The following AMMECR1 variants were observed in gnomAD, a reference collection of about 807,000 sequenced individuals.
AMMECR1 encodes nuclear protein AMMECR1.
AMMECR1 carries 3 observed loss-of-function variants against 22.5 expected under a neutral mutation model. The observed-to-expected ratio is 0.13, with a 90% CI of 0.06 to 0.35. The LOEUF (loss-of-function observed/expected upper bound fraction) is 0.35. Ranked by LOEUF, AMMECR1 falls within the 10% of genes least tolerant of loss-of-function variation. The pLI, the probability that AMMECR1 is intolerant of heterozygous loss-of-function variation, is 1.00. For missense variants in AMMECR1, 235 were observed against 278.7 expected (o/e 0.84, Z 1.12); for synonymous variants, 130 against 116.7 (o/e 1.11, Z -0.74).
intron 2 of AMMECR1, among the ~76,000 whole-genome samples, chrX:110,232,638 C>G (rs192863882): frequency 1.8e-3 from 200 of 110,423 alleles, no homozygotes; most frequent in African/African-American, 6.4e-3. Context: ...TGCCTGTAAT[C>G]CCAGCACTTT....
At chrX:110,222,589 AT>A (rs2067508942) in intron 2 of AMMECR1, among the ~76,000 whole-genome samples, 1 of 105,468 alleles carries the variant, frequency 9.5e-6, no homozygotes, top group Non-Finnish European at 1.9e-5. Context: ...TAAAACTTAA[AT>A]TAAAAAAAAA....
intron 1 of AMMECR1, among the ~76,000 whole-genome samples, chrX:110,429,485 TTG>T (rs780140417): frequency 0.16 from 16,164 of 99,130 alleles, 1,100 homozygotes; most frequent in Non-Finnish European, 0.2. Context: ...TTTTGTTTTT[TTG>T]GTTTTTTTGT....
intron 1 of AMMECR1, among the ~76,000 whole-genome samples, chrX:110,285,285 T>C (rs753062878): frequency 1.8e-5 from 2 of 112,022 alleles, no homozygotes; most frequent in Non-Finnish European, 3.8e-5. Context: ...AGAAATTAAG[T>C]CTCAAGTTTA....
intron 2 of AMMECR1, among the ~76,000 whole-genome samples, chrX:110,349,543 T>C (rs1043629116): frequency 8.9e-6 from 1 of 111,843 alleles, no homozygotes; most frequent in Non-Finnish European, 1.9e-5. Flanking sequence ...CAAATTCAGC[T>C]GGTAAAAGCA....
intron 2 of AMMECR1, among the ~76,000 whole-genome samples, chrX:110,373,171 A>G (rs1047971449): frequency 3.4e-4 from 38 of 111,896 alleles, no homozygotes; most frequent in African/African-American, 1.2e-3. Context: ...TGGCAGCTCT[A>G]AAATTCAGAC....
chrX:110,409,385 A>T (rs1315420072), intron 2 of AMMECR1, among the ~76,000 whole-genome samples: 3 of 111,278 alleles, frequency 2.7e-5, no homozygotes, highest in African/African-American at 9.8e-5. Context: ...TGGTGAAGAG[A>T]GTTGTGTTTA....
chrX:110,371,371 C>T (rs2068337633), intron 2 of AMMECR1, among the ~76,000 whole-genome samples: 1 of 111,955 alleles, frequency 8.9e-6, no homozygotes, highest in Non-Finnish European at 1.9e-5. Flanking sequence ...TATCCATACC[C>T]TCAAGCATTT....
At chrX:110,206,966 A>G (rs1300706445) in intron 3 of AMMECR1, among the ~76,000 whole-genome samples, 1 of 112,175 alleles carries the variant, frequency 8.9e-6, no homozygotes, top group Admixed American at 9.4e-5. Flanking sequence ...ATGCTTTGCA[A>G]TTAACAAAGC....
At chrX:110,357,851 G>A (rs1416695088) in intron 2 of AMMECR1, among the ~76,000 whole-genome samples, 9 of 111,218 alleles carry the variant, frequency 8.1e-5, no homozygotes, top group Non-Finnish European at 3.8e-5. Flanking sequence ...TTTTCTCAAG[G>A]CAAGACCCTG....
intron 1 of AMMECR1, among the ~76,000 whole-genome samples, chrX:110,294,324 C>A (rs2067923881): frequency 8.9e-6 from 1 of 111,925 alleles, no homozygotes; most frequent in Non-Finnish European, 1.9e-5. Flanking sequence ...CAGCTTACAT[C>A]TAAGCTGAAA....
At chrX:110,198,739 G>A (rs968712412) in intron 5 of AMMECR1, 105 bp from the exon 6 acceptor site, 2 of 553,085 alleles carry the variant, frequency 3.6e-6, no homozygotes, top group African/African-American at 2.3e-5. Context: ...ATCAGGAAAC[G>A]GGGTCCCAGA....
intron 2 of AMMECR1, among the ~76,000 whole-genome samples, chrX:110,425,995 CACAA>C (rs2068750853): frequency 1.8e-5 from 2 of 112,112 alleles, no homozygotes; most frequent in African/African-American, 6.5e-5. Flanking sequence ...CACACACACA[CACAA>C]ACGCACACAC....
At chrX:110,207,574 C>T (rs1172730283) in intron 3 of AMMECR1, among the ~76,000 whole-genome samples, 1 of 110,903 alleles carries the variant, frequency 9.0e-6, no homozygotes, top group African/African-American at 3.3e-5. Flanking sequence ...CATATTATCT[C>T]GATCTGCCCA....
Position 110,310,468 on chromosome X carries a change from T to C in AMMECR1, c.473+7131A>G, listed in dbSNP as rs142187463. On this transcript the variant is annotated intron_variant, in intron 1 of 5. Transcript: ENST00000262844. ...CTATTCCAGCTATCTTTATATTTGA[T>C]ACAAATTCTATAAACCGATGTGTCC... Among the ~76,000 whole-genome samples the C allele has an allele frequency of 9.9e-3, 1,104 of 111,817 alleles. 4 individuals are homozygous for C. Among genetic ancestry groups the C allele is most frequent in the Middle Eastern group, 0.018 (4 of 218 alleles).
intron 2 of AMMECR1, among the ~76,000 whole-genome samples, chrX:110,334,224 G>T (rs899628195): frequency 1.3e-4 from 14 of 111,253 alleles, no homozygotes; most frequent in Non-Finnish European, 2.6e-4. Context: ...ATTGCCAAAA[G>T]AAAAAAAGAA....
intron 2 of AMMECR1, among the ~76,000 whole-genome samples, chrX:110,365,454 G>A (rs1472145399): frequency 8.9e-6 from 1 of 112,135 alleles, no homozygotes; most frequent in Non-Finnish European, 1.9e-5. Flanking sequence ...TTTAGTTCAT[G>A]TGACAATATC....
At chrX:110,398,725 T>C (rs1348439721) in intron 2 of AMMECR1, among the ~76,000 whole-genome samples, 3 of 112,218 alleles carry the variant, frequency 2.7e-5, no homozygotes, top group African/African-American at 9.7e-5. Context: ...CTCTGAACCT[T>C]GAACCCTTCA....
intron 2 of AMMECR1, among the ~76,000 whole-genome samples, chrX:110,331,502 C>T (rs969312184): frequency 1.8e-5 from 2 of 110,598 alleles, no homozygotes; most frequent in Non-Finnish European, 3.8e-5. Flanking sequence ...TTAACTCTTA[C>T]TTATCTCTCA....
chrX:110,368,350 C>G (rs2068312857), intron 2 of AMMECR1, among the ~76,000 whole-genome samples: 1 of 111,176 alleles, frequency 9.0e-6, no homozygotes, highest in African/African-American at 3.3e-5. Flanking sequence ...CATGATCTAC[C>G]TTCATTCCCA....
Sources: gnomAD v4.1 joint callset for allele counts (sites outside exome capture counted in the v4.1 genomes callset) on GRCh38, gnomAD v4.1.1 for gene constraint, MANE v1.5 for transcripts, NCBI Gene and HGNC (gene_info 2026-07-23, HGNC 2026-07-21) for gene names.